DNAH3: variants seen among roughly 807,000 people sequenced by gnomAD.
DNAH3 encodes dynein axonemal heavy chain 3, also known as axonemal beta dynein heavy chain 3.
Under a neutral mutation model 432.5 loss-of-function variants are expected in DNAH3, and 332 were observed. The ratio of observed to expected loss-of-function variants is 0.77; its 90% CI spans 0.70 to 0.84. The LOEUF (loss-of-function observed/expected upper bound fraction) is 0.84. DNAH3 is among the 40% of genes least tolerant of loss of function. DNAH3 has a pLI of 0.00. For missense variants in DNAH3, 4,861 were observed against 5,114.0 expected (o/e 0.95, Z 1.51); for synonymous variants, 1,956 against 1,900.2 (o/e 1.03, Z -0.76).
intron 16 of DNAH3, among the ~76,000 whole-genome samples, chr16:21,102,466 A>C (rs1034929399): frequency 1.3e-5 from 2 of 152,174 alleles, no homozygotes; most frequent in African/African-American, 4.8e-5. Context: ...AAGGAAGCTG[A>C]TAGTTTTGGG....
intron 22 of DNAH3, among the ~76,000 whole-genome samples, chr16:21,070,466 AG>A (rs2090740551): frequency 6.6e-6 from 1 of 152,016 alleles, no homozygotes; most frequent in South Asian, 2.1e-4. Context: ...TATTTTCAGT[AG>A]AGACGGAGTT....
chr16:21,023,497 T>C (rs1048590797), intron 39 of DNAH3, among the ~76,000 whole-genome samples: 1 of 152,042 alleles, frequency 6.6e-6, no homozygotes, highest in Non-Finnish European at 1.5e-5. Flanking sequence ...GAGAACTGCA[T>C]GATGAGGGTG....
rs1290233803 is a variant in DNAH3 at position 21,094,267 on chromosome 16, T to C, written c.2665+3088A>G. Among the ~76,000 whole-genome samples the C allele has an allele frequency of 2.0e-5, 3 of 152,092 alleles. No homozygotes were observed. In the South Asian group the frequency reaches 6.2e-4, roughly 31 times the overall value. On this transcript the variant is annotated intron_variant, in intron 18 of 61. Coordinates refer to ENST00000261383, the Ensembl canonical transcript of DNAH3. The stretch of plus-strand genomic sequence containing the variant: ...AACAGACACTTCACCAAAGAGGATA[T>C]ACAAATGACAGGTATGCACATAAAG...
intron 41 of DNAH3, among the ~76,000 whole-genome samples, chr16:21,009,119 C>A (rs561527211): frequency 3.3e-5 from 5 of 152,274 alleles, no homozygotes; most frequent in African/African-American, 1.2e-4. Flanking sequence ...TGAAAATAAT[C>A]TGTATACATG....
chr16:21,154,528 T>G (rs1436883919), intron 1 of DNAH3, among the ~76,000 whole-genome samples: 2 of 152,206 alleles, frequency 1.3e-5, no homozygotes, highest in African/African-American at 4.8e-5. Flanking sequence ...TTTAAAACTA[T>G]CAAAACAATA....
intron 2 of DNAH3, 95 bp downstream of exon 3, chr16:21,145,889 A>G: frequency 1.2e-6 from 1 of 830,996 alleles, no homozygotes; most frequent in Non-Finnish European, 2.1e-6. Flanking sequence ...TTGACTCTCC[A>G]CCCTCATTGA....
At chr16:21,117,401 G>A (rs1357348213) in intron 11 of DNAH3, 62 bp from the exon 12 acceptor site, 1 of 902,762 alleles carries the variant, frequency 1.1e-6, no homozygotes, top group Admixed American at 2.3e-5. Flanking sequence ...GTACCCAAAT[G>A]CAAAGCCTTC....
At chr16:20,944,313 C>T (rs1372597067) in intron 58 of DNAH3, among the ~76,000 whole-genome samples, 183 bp downstream of exon 58, 1 of 152,188 alleles carries the variant, frequency 6.6e-6, no homozygotes, top group Non-Finnish European at 1.5e-5. Flanking sequence ...AACACTGGTT[C>T]CCTTGCAGCT....
intron 18 of DNAH3, among the ~76,000 whole-genome samples, chr16:21,091,682 G>A (rs1567776607): frequency 6.6e-6 from 1 of 152,114 alleles, no homozygotes; most frequent in Non-Finnish European, 1.5e-5. Context: ...CGGGTGTGGT[G>A]GCATGTGCCT....
chr16:21,110,650 C>A (rs1032292423), intron 14 of DNAH3, among the ~76,000 whole-genome samples: 1 of 152,086 alleles, frequency 6.6e-6, no homozygotes, highest in African/African-American at 2.4e-5. Flanking sequence ...CCATTATAAC[C>A]AAAAACATCT....
At chr16:21,152,564 G>A (rs2152837105) in intron 1 of DNAH3, among the ~76,000 whole-genome samples, 1 of 152,382 alleles carries the variant, frequency 6.6e-6, no homozygotes, top group East Asian at 1.9e-4. Flanking sequence ...CAAGGCCGAA[G>A]CCGGCTCCCT....
chr16:21,055,524 T>C (rs2090101893), intron 27 of DNAH3, among the ~76,000 whole-genome samples: 1 of 152,230 alleles, frequency 6.6e-6, no homozygotes, highest in Non-Finnish European at 1.5e-5. Context: ...ATGGAAATTC[T>C]TTGTATTATA....
chr16:21,046,484 A>G (rs1394808507), intron 31 of DNAH3, among the ~76,000 whole-genome samples: 2 of 151,592 alleles, frequency 1.3e-5, no homozygotes, highest in Admixed American at 1.3e-4. Flanking sequence ...TTTATCAGAG[A>G]CTAGGATTGC....
At chr16:20,970,117 G>C in intron 51 of DNAH3, 127 bp from the exon 52 acceptor site, 1 of 854,346 alleles carries the variant, frequency 1.2e-6, no homozygotes, top group East Asian at 2.6e-5. Context: ...CCTTTAACAT[G>C]GTGCCTGCCG....
intron 7 of DNAH3, 79 bp downstream of exon 8, chr16:21,134,180 T>C (rs980805961): frequency 1.9e-5 from 26 of 1,388,954 alleles, no homozygotes; most frequent in Non-Finnish European, 2.4e-5. Flanking sequence ...CTACCCCCAC[T>C]GTGCACAGCA....
intron 27 of DNAH3, among the ~76,000 whole-genome samples, chr16:21,057,083 A>AC (rs1431168476): frequency 6.6e-6 from 1 of 152,158 alleles, no homozygotes; most frequent in Non-Finnish European, 1.5e-5. Context: ...GGAGAATCAA[A>AC]CCATGGAAGA....
chr16:20,998,054 C>G (rs778316654), intron 43 of DNAH3, among the ~76,000 whole-genome samples: 5 of 151,924 alleles, frequency 3.3e-5, no homozygotes, highest in African/African-American at 4.8e-5. Context: ...AGAAAACAGG[C>G]ATTTAATTTT....
chr16:20,944,827 T>A (rs1238494364), intron 57 of DNAH3, among the ~76,000 whole-genome samples, 164 bp from the exon 58 acceptor site: 1 of 151,436 alleles, frequency 6.6e-6, no homozygotes, highest in Non-Finnish European at 1.5e-5. Flanking sequence ...ACCCTAGCCC[T>A]CCCTCATACA....
chr16:21,145,992 G>A (rs1204130091), exon 2 of DNAH3: 3 of 1,609,934 alleles, frequency 1.9e-6, no homozygotes, highest in South Asian at 1.1e-5. Flanking sequence ...ACCTGATAGA[G>A]TCCAGACGGT....
Sources: allele counts gnomAD v4.1 joint callset (sites outside exome capture counted in the v4.1 genomes callset), GRCh38; gene constraint gnomAD v4.1.1; transcripts MANE v1.5; gene names NCBI Gene and HGNC (gene_info 2026-07-23, HGNC 2026-07-21).